Variants in CNTN6 observed in about 807,000 individuals in gnomAD.
CNTN6 encodes the protein contactin-6.
A neutral mutation model predicts 122.8 loss-of-function variants in CNTN6; 137 were observed. The ratio of observed to expected loss-of-function variants is 1.12; its 90% CI spans 0.97 to 1.29. The LOEUF (loss-of-function observed/expected upper bound fraction) is 1.29, where lower values mean the gene tolerates loss of function less well. Among genes scored for constraint, CNTN6 ranks in the 50% most tolerant of loss-of-function variants. The pLI is 0.00. For missense variants in CNTN6, 1,634 were observed against 1,223.4 expected, an observed-to-expected ratio of 1.34 and a Z score of -5.01; for synonymous variants, 570 against 426.0, an observed-to-expected ratio of 1.34 and a Z score of -4.16.
chr3:1,271,948 A>G (rs530144290), intron 4 of CNTN6, among the ~76,000 whole-genome samples: 1 of 152,314 alleles, frequency 6.6e-6, no homozygotes, highest in African/African-American at 2.4e-5. Context: ...TGTAGTTGCC[A>G]TAATCCCCAC....
intron 4 of CNTN6, among the ~76,000 whole-genome samples, chr3:1,268,728 G>A (rs1195126829): frequency 6.6e-6 from 1 of 151,922 alleles, no homozygotes; most frequent in Non-Finnish European, 1.5e-5. Context: ...AGCTGCCACC[G>A]AATAGGCACA....
intron 8 of CNTN6, among the ~76,000 whole-genome samples, chr3:1,322,073 A>G (rs1700940709): frequency 6.6e-6 from 1 of 151,730 alleles, no homozygotes; most frequent in South Asian, 2.1e-4. Flanking sequence ...TCAAAATATC[A>G]GCAGTGTCAT....
intron 2 of CNTN6, among the ~76,000 whole-genome samples, chr3:1,181,568 G>T (rs2093554700): frequency 6.6e-6 from 1 of 152,102 alleles, no homozygotes; most frequent in Non-Finnish European, 1.5e-5. Context: ...GGTGCATCTT[G>T]TTGAGACACA....
At chr3:1,293,291 A>T (rs1695642917) in intron 5 of CNTN6, among the ~76,000 whole-genome samples, 1 of 144,122 alleles carries the variant, frequency 6.9e-6, no homozygotes, top group African/African-American at 2.6e-5. Context: ...CTAAAATCTC[A>T]TTCCTTTAAG....
intron 4 of CNTN6, among the ~76,000 whole-genome samples, chr3:1,234,604 T>C (rs891018650): frequency 6.6e-6 from 1 of 152,190 alleles, no homozygotes; most frequent in Non-Finnish European, 1.5e-5. Flanking sequence ...AATTGTAAAG[T>C]CTCCGATAAT....
At chr3:1,204,519 C>T (rs2093931063) in intron 2 of CNTN6, among the ~76,000 whole-genome samples, 1 of 151,868 alleles carries the variant, frequency 6.6e-6, no homozygotes, top group Admixed American at 6.6e-5. Flanking sequence ...TACATACATA[C>T]AAACAATTTC....
chr3:1,221,005 T>C (rs1330902177), intron 3 of CNTN6, among the ~76,000 whole-genome samples, 192 bp downstream of exon 3: 4 of 152,164 alleles, frequency 2.6e-5, no homozygotes, highest in Non-Finnish European at 5.9e-5. Flanking sequence ...GGGTATTCCC[T>C]CATGCCGCTT....
At chr3:1,266,717 C>T (rs911614532) in intron 4 of CNTN6, among the ~76,000 whole-genome samples, 1 of 152,168 alleles carries the variant, frequency 6.6e-6, no homozygotes, top group Non-Finnish European at 1.5e-5. Flanking sequence ...CAAGTGACCT[C>T]GGGCCTCACT....
At chr3:1,397,246 T>C (rs1695100533) in intron 20 of CNTN6, among the ~76,000 whole-genome samples, 1 of 152,028 alleles carries the variant, frequency 6.6e-6, no homozygotes, top group South Asian at 2.1e-4. Flanking sequence ...AATAAAATAA[T>C]CATAAATTAT....
At chr3:1,285,111 G>A (rs1694113683) in intron 5 of CNTN6, among the ~76,000 whole-genome samples, 1 of 152,204 alleles carries the variant, frequency 6.6e-6, no homozygotes, top group African/African-American at 2.4e-5. Context: ...AAGTGATTGT[G>A]TTAATTCAGG....
At chr3:1,314,528 C>A (rs1699828870) in intron 7 of CNTN6, among the ~76,000 whole-genome samples, 1 of 152,064 alleles carries the variant, frequency 6.6e-6, no homozygotes, top group Admixed American at 6.6e-5. Flanking sequence ...AATAAAAATT[C>A]TATTTATGGG....
intron 8 of CNTN6, among the ~76,000 whole-genome samples, chr3:1,323,910 G>A (rs3968871): frequency 0.35 from 50,608 of 142,874 alleles, 10,237 homozygotes; most frequent in East Asian, 0.69. Context: ...TTCTGTAGCC[G>A]CAATTATTGC....
At chr3:1,187,834 G>A (rs984682081) in intron 2 of CNTN6, among the ~76,000 whole-genome samples, 4 of 152,212 alleles carry the variant, frequency 2.6e-5, no homozygotes, top group African/African-American at 9.6e-5. Context: ...CAGGGACCCT[G>A]TGTGTTGCCC....
chr3:1,214,295 G>A (rs2094094502), intron 2 of CNTN6, among the ~76,000 whole-genome samples: 1 of 131,248 alleles, frequency 7.6e-6, no homozygotes, highest in Non-Finnish European at 1.6e-5. Context: ...TGTGTTTGTT[G>A]GATGTCTTTT....
At chr3:1,300,407 T>C (rs954141322) in intron 7 of CNTN6, among the ~76,000 whole-genome samples, 10 of 148,716 alleles carry the variant, frequency 6.7e-5, no homozygotes, top group African/African-American at 2.2e-4. Context: ...TGTCTCAGGA[T>C]TGATGACAGT....
At chr3:1,203,482 G>A (rs139969399) in intron 2 of CNTN6, among the ~76,000 whole-genome samples, 4 of 152,294 alleles carry the variant, frequency 2.6e-5, no homozygotes, top group African/African-American at 9.6e-5. Context: ...GTACGTGACA[G>A]GAATGCGGGA....
chr3:1,218,842 G>A (rs1180702442), intron 2 of CNTN6, among the ~76,000 whole-genome samples: 1 of 152,008 alleles, frequency 6.6e-6, no homozygotes, highest in African/African-American at 2.4e-5. Flanking sequence ...CTCTAATAAA[G>A]GAAGCCAGGT....
chr3:1,104,023 T>C (rs2091091034), intron 1 of CNTN6, among the ~76,000 whole-genome samples: 1 of 152,082 alleles, frequency 6.6e-6, no homozygotes, highest in Non-Finnish European at 1.5e-5. Flanking sequence ...ATTCCACAAA[T>C]ATTGGCTGAA....
intron 12 of CNTN6, among the ~76,000 whole-genome samples, chr3:1,367,304 C>T (rs1708369922): frequency 6.6e-6 from 1 of 151,978 alleles, no homozygotes; most frequent in African/African-American, 2.4e-5. Context: ...CCTCATTCCC[C>T]ATCCCTCCCT....
Sources: allele counts gnomAD v4.1 joint callset (sites outside exome capture counted in the v4.1 genomes callset), GRCh38; gene constraint gnomAD v4.1.1; transcripts MANE v1.5; gene names NCBI Gene and HGNC (gene_info 2026-07-23, HGNC 2026-07-21).